NAV2: variants seen among roughly 807,000 people sequenced by gnomAD.
NAV2 encodes neuron navigator 2, also known as helicase, APC down-regulated 1.
A neutral mutation model predicts 223.2 loss-of-function variants in NAV2; 54 were observed. The observed-to-expected ratio is 0.24, with a 90% CI of 0.19 to 0.30. The LOEUF (loss-of-function observed/expected upper bound fraction) is 0.30, where lower values mean the gene tolerates loss of function less well. Among genes scored for constraint, NAV2 ranks in the 10% least tolerant of loss-of-function variants. The pLI is 1.00. For missense variants in NAV2, 2,806 were observed against 3,147.5 expected (o/e 0.89, Z 2.60); for synonymous variants, 1,279 against 1,239.3 (o/e 1.03, Z -0.67).
intron 1 of NAV2, among the ~76,000 whole-genome samples, chr11:19,545,127 T>C (rs947159677): frequency 1.3e-5 from 2 of 152,222 alleles, no homozygotes; most frequent in Non-Finnish European, 2.9e-5. Context: ...ATTCATTTCT[T>C]GTGTACCTGC....
chr11:19,494,459 A>G (rs568696527), intron 1 of NAV2, among the ~76,000 whole-genome samples: 1 of 152,346 alleles, frequency 6.6e-6, no homozygotes, highest in Admixed American at 6.5e-5. Context: ...TATGCCATTT[A>G]ATCCTCCCAC....
chr11:19,368,360 C>T (rs1848360355), intron 1 of NAV2, among the ~76,000 whole-genome samples: 1 of 152,180 alleles, frequency 6.6e-6, no homozygotes, highest in Admixed American at 6.5e-5. Flanking sequence ...TCCTGCTGGC[C>T]TCCCTGTTCA....
intron 1 of NAV2, among the ~76,000 whole-genome samples, chr11:19,459,206 C>T (rs12416781): frequency 0.16 from 23,857 of 152,100 alleles, 1,990 homozygotes; most frequent in East Asian, 0.24. Context: ...TTGAATTGAC[C>T]GGGGGTAGCT....
At chr11:19,472,983 G>A (rs982067883) in intron 1 of NAV2, among the ~76,000 whole-genome samples, 2 of 152,224 alleles carry the variant, frequency 1.3e-5, no homozygotes, top group African/African-American at 4.8e-5. Flanking sequence ...CCATTTTCCA[G>A]ATGAGAAGAC....
intron 36 of NAV2, among the ~76,000 whole-genome samples, chr11:20,109,208 T>C (rs2062426126): frequency 6.6e-6 from 1 of 152,204 alleles, no homozygotes; most frequent in Non-Finnish European, 1.5e-5. Flanking sequence ...AAGGAAAGTA[T>C]TTTGCCTCTT....
chr11:19,841,836 A>G (rs955713167), intron 2 of NAV2, among the ~76,000 whole-genome samples: 5 of 152,216 alleles, frequency 3.3e-5, no homozygotes, highest in African/African-American at 4.8e-5. Flanking sequence ...GGTTCATGAT[A>G]CTACCATTTA....
At chr11:20,014,853 G>A (rs2053870286) in intron 11 of NAV2, among the ~76,000 whole-genome samples, 1 of 152,152 alleles carries the variant, frequency 6.6e-6, no homozygotes, top group South Asian at 2.1e-4. Context: ...AGTTTGCCAA[G>A]ATCACACCAC....
intron 1 of NAV2, among the ~76,000 whole-genome samples, chr11:19,555,137 A>G (rs1323734751): frequency 6.6e-6 from 1 of 152,172 alleles, no homozygotes; most frequent in East Asian, 1.9e-4. Flanking sequence ...AGATTCTGAG[A>G]CAGGGATCAA....
upstream of NAV2, among the ~76,000 whole-genome samples, chr11:19,347,582 G>T (rs1342478838): frequency 6.6e-6 from 1 of 152,124 alleles, no homozygotes; most frequent in East Asian, 1.9e-4. Flanking sequence ...TGAACTTTGA[G>T]GAGAAGCCAG....
intron 1 of NAV2, among the ~76,000 whole-genome samples, chr11:19,477,900 G>A (rs2042166114): frequency 6.6e-6 from 1 of 152,010 alleles, no homozygotes; most frequent in South Asian, 2.1e-4. Context: ...CTATACCCTG[G>A]GTGGCCTTCA....
intron 1 of NAV2, among the ~76,000 whole-genome samples, chr11:19,500,511 C>T (rs1039110265): frequency 2.6e-5 from 4 of 152,144 alleles, no homozygotes; most frequent in African/African-American, 9.7e-5. Context: ...AATGATTAAG[C>T]ACCTCTTGTC....
chr11:19,400,034 A>G (rs1430757487), intron 1 of NAV2, among the ~76,000 whole-genome samples: 3 of 152,234 alleles, frequency 2.0e-5, no homozygotes, highest in African/African-American at 7.2e-5. Flanking sequence ...GAAAGAATGA[A>G]GAGGTAACAG....
At chr11:19,412,876 TCAACATTAA>T (rs1850205883) in intron 1 of NAV2, among the ~76,000 whole-genome samples, 1 of 152,008 alleles carries the variant, frequency 6.6e-6, no homozygotes, top group Non-Finnish European at 1.5e-5. Context: ...AGGAATAGCA[TCAACATTAA>T]CAAAAAGGAT....
chr11:19,672,588 A>G (rs867065725), intron 1 of NAV2, among the ~76,000 whole-genome samples: 2 of 152,102 alleles, frequency 1.3e-5, no homozygotes, highest in East Asian at 3.9e-4. Context: ...ATGGTGGCCA[A>G]TGGGACTTCT....
At chr11:19,769,829 C>A (rs933459784) in intron 1 of NAV2, among the ~76,000 whole-genome samples, 1 of 152,128 alleles carries the variant, frequency 6.6e-6, no homozygotes, top group Non-Finnish European at 1.5e-5. Flanking sequence ...ACCACATTCC[C>A]TACAGCAAAA....
At chr11:19,726,786 T>A (rs1275930000) in intron 1 of NAV2, among the ~76,000 whole-genome samples, 1 of 152,214 alleles carries the variant, frequency 6.6e-6, no homozygotes, top group African/African-American at 2.4e-5. Flanking sequence ...ACCTGCTGAA[T>A]CAACATCTGT....
intron 1 of NAV2, among the ~76,000 whole-genome samples, chr11:19,656,976 G>T (rs1235487347): frequency 1.3e-5 from 2 of 152,166 alleles, no homozygotes; most frequent in Non-Finnish European, 2.9e-5. Flanking sequence ...GGATACACTG[G>T]GGGAGGGAAA....
In NAV2 at chr11:20,044,207, T is replaced by C. The variant is rs757583301; in HGVS notation, c.3134T>C (p.Val1045Ala). The C allele has an allele frequency of 2.5e-6, 4 of 1,614,134 alleles. No individual in the cohort carries two copies. The South Asian group carries it at 4.4e-5, about 18-fold the overall frequency. Reference sequence around the variant, plus strand: ...TGGCGGCGAGGCATGACAGCTCAGGTGGGCATCACCATGCCAAGGACGAAG... The same window carrying C: ...TGGCGGCGAGGCATGACAGCTCAGGCGGGCATCACCATGCCAAGGACGAAG... The part of the protein sequence containing the change: ...GSWRRGMTAQ[V>A]GITMPRTKPS... The change falls in exon 13 of 38, where the codon GTG becomes GCG. Residue 1045 changes from valine (V) to alanine (A), a missense_variant. This residue lies in a region of NAV2 where 742 missense variants were observed against 777.9 expected (regional missense o/e 0.95). Coordinates refer to ENST00000349880, the MANE Select transcript of NAV2 (RefSeq NM_145117.5).
chr11:19,459,280 C>G (rs1852070281), intron 1 of NAV2, among the ~76,000 whole-genome samples: 1 of 152,186 alleles, frequency 6.6e-6, no homozygotes, highest in Non-Finnish European at 1.5e-5. Context: ...TGTCTTTTTG[C>G]ATCTTTCCTC....
Sources: allele counts gnomAD v4.1 joint callset (sites outside exome capture counted in the v4.1 genomes callset), GRCh38; gene constraint gnomAD v4.1.1; regional missense constraint gnomAD v4.1.1; transcripts MANE v1.5; gene names NCBI Gene and HGNC (gene_info 2026-07-23, HGNC 2026-07-21).